ANGPT1: variants seen among roughly 807,000 people sequenced by gnomAD.
The protein encoded by ANGPT1 is angiopoietin-1.
Under a neutral mutation model 62.2 loss-of-function variants are expected in ANGPT1, and 17 were observed. The ratio of observed to expected loss-of-function variants is 0.27; its 90% CI spans 0.19 to 0.41. ANGPT1 has a LOEUF of 0.41. ANGPT1 is among the 10% of genes least tolerant of loss of function. ANGPT1 has a pLI of 1.00. For synonymous variants in ANGPT1, 199 were observed against 198.9 expected, an observed-to-expected ratio of 1.00 and a Z score of 0.00; for missense variants, 478 against 594.9, an observed-to-expected ratio of 0.80 and a Z score of 2.04.
intron 4 of ANGPT1, among the ~76,000 whole-genome samples, chr8:107,316,603 T>C (rs1815020465): frequency 6.6e-6 from 1 of 152,206 alleles, no homozygotes; most frequent in Non-Finnish European, 1.5e-5. Context: ...ACATTGTCAC[T>C]GGGGAGATTT....
At chr8:107,342,131 T>C (rs538900041) in intron 2 of ANGPT1, among the ~76,000 whole-genome samples, 1 of 152,318 alleles carries the variant, frequency 6.6e-6, no homozygotes, top group African/African-American at 2.4e-5. Context: ...TCAGACATCT[T>C]TGCAGTAGAC....
intron 1 of ANGPT1, among the ~76,000 whole-genome samples, chr8:107,394,376 T>C (rs1816893674): frequency 6.6e-6 from 1 of 152,208 alleles, no homozygotes; most frequent in Admixed American, 6.5e-5. Context: ...AAAAGATTAA[T>C]GAGCATTTTT....
intron 1 of ANGPT1, among the ~76,000 whole-genome samples, chr8:107,477,951 G>T (rs1450429523): frequency 4.0e-5 from 6 of 151,594 alleles, no homozygotes; most frequent in African/African-American, 1.2e-4. Flanking sequence ...ATGAATAAAT[G>T]ACCATGACAT....
chr8:107,328,322 C>T (rs1186415640), intron 3 of ANGPT1, among the ~76,000 whole-genome samples: 1 of 151,890 alleles, frequency 6.6e-6, no homozygotes, highest in Non-Finnish European at 1.5e-5. Flanking sequence ...AATAAATTTC[C>T]TCTCAAAGTC....
intron 1 of ANGPT1, among the ~76,000 whole-genome samples, chr8:107,430,375 A>G (rs529663228): frequency 6.6e-6 from 1 of 152,266 alleles, no homozygotes; most frequent in Admixed American, 6.5e-5. Context: ...ACCTTGTCAC[A>G]TTTTACTATC....
chr8:107,426,537 C>T (rs192805655), intron 1 of ANGPT1, among the ~76,000 whole-genome samples: 8 of 152,276 alleles, frequency 5.3e-5, no homozygotes, highest in Middle Eastern at 3.4e-3. Flanking sequence ...TCCATATAAT[C>T]CTAGAATATG....
At chr8:107,445,132 C>G (rs1468789303) in intron 1 of ANGPT1, among the ~76,000 whole-genome samples, 1 of 152,172 alleles carries the variant, frequency 6.6e-6, no homozygotes, top group Non-Finnish European at 1.5e-5. Flanking sequence ...TAGAGAATCA[C>G]ATCACATCTC....
At chr8:107,303,618 C>A (rs1814647486) in intron 4 of ANGPT1, among the ~76,000 whole-genome samples, 1 of 150,846 alleles carries the variant, frequency 6.6e-6, no homozygotes, top group African/African-American at 2.4e-5. Context: ...TTTCTTAATT[C>A]TTTTTTTTCT....
intron 4 of ANGPT1, among the ~76,000 whole-genome samples, chr8:107,319,584 A>C (rs1315433089): frequency 6.6e-6 from 1 of 151,746 alleles, no homozygotes; most frequent in Non-Finnish European, 1.5e-5. Flanking sequence ...ATGATATATA[A>C]ATTTTGGTCA....
chr8:107,458,185 C>T (rs1207268851), intron 1 of ANGPT1, among the ~76,000 whole-genome samples: 1 of 152,026 alleles, frequency 6.6e-6, no homozygotes, highest in Non-Finnish European at 1.5e-5. Context: ...GCTAACTGGC[C>T]TTCTGGACTT....
intron 1 of ANGPT1, among the ~76,000 whole-genome samples, chr8:107,392,075 C>T (rs1586283995): frequency 6.6e-6 from 1 of 152,136 alleles, no homozygotes; most frequent in Non-Finnish European, 1.5e-5. Context: ...CATTCTGAAA[C>T]CTTTGAGCTA....
intron 4 of ANGPT1, among the ~76,000 whole-genome samples, chr8:107,314,871 T>C (rs564508662): frequency 5.9e-5 from 9 of 152,342 alleles, no homozygotes; most frequent in African/African-American, 1.9e-4. Context: ...AAAGTTTTAA[T>C]TTCCTCCCAT....
rs963708566 is a variant in ANGPT1 at position 107,375,433 on chromosome 8, T to C, written c.298-28336A>G. 5.3e-5 allele frequency among the ~76,000 whole-genome samples: 8 copies of C among 152,140 alleles called. 1 individual carries two copies. Among genetic ancestry groups the C allele is most frequent in the Admixed American group, 5.2e-4 (8 of 15,272 alleles). Reference sequence around the variant, plus strand: ...AAGCTAAATTCTACATTATTATTAATTGGGATTTTGTACCAAATTTCAATA... The same window carrying C: ...AAGCTAAATTCTACATTATTATTAACTGGGATTTTGTACCAAATTTCAATA... On this transcript the variant is annotated intron_variant, in intron 1 of 8. Transcript: ENST00000517746.
At chr8:107,254,946 G>A (rs771359399) in intron 8 of ANGPT1, among the ~76,000 whole-genome samples, 3 of 151,522 alleles carry the variant, frequency 2.0e-5, no homozygotes, top group Admixed American at 1.3e-4. Flanking sequence ...CATTCTCTAC[G>A]ATCTTCCAAA....
At chr8:107,431,745 T>G (rs2130406262) in intron 1 of ANGPT1, among the ~76,000 whole-genome samples, 1 of 152,152 alleles carries the variant, frequency 6.6e-6, no homozygotes, top group African/African-American at 2.4e-5. Context: ...TTTTTTTTTT[T>G]TATCATCAAA....
intron 4 of ANGPT1, among the ~76,000 whole-genome samples, chr8:107,306,447 G>C (rs1202640929): frequency 6.6e-6 from 1 of 151,994 alleles, no homozygotes; most frequent in Non-Finnish European, 1.5e-5. Flanking sequence ...TATTTCAGAT[G>C]AAATTATAAA....
chr8:107,391,305 C>T (rs978602392), intron 1 of ANGPT1, among the ~76,000 whole-genome samples: 1 of 152,180 alleles, frequency 6.6e-6, no homozygotes, highest in African/African-American at 2.4e-5. Context: ...ACCTGGAATC[C>T]TGGCTTAGTC....
rs142774914 is a variant in ANGPT1, at chr8:107,489,515, T to C, written c.297+7747A>G. On this transcript the variant is annotated intron_variant, in intron 1 of 8. Transcript: ENST00000517746. The stretch of plus-strand genomic sequence containing the variant: ...ATGAAATTATTAGCTACTTTCTCTG[T>C]TCAAAATCACCTTTTCATTTGCTTG... Among the ~76,000 whole-genome samples the C allele has an allele frequency of 3.1e-3, 477 of 152,328 alleles. 5 individuals carry two copies. Among genetic ancestry groups the C allele is most frequent in the Non-Finnish European group, 5.9e-3 (403 of 68,022 alleles).
chr8:107,467,805 A>C (rs1023947932), intron 1 of ANGPT1, among the ~76,000 whole-genome samples: 6 of 152,150 alleles, frequency 3.9e-5, no homozygotes, highest in Non-Finnish European at 8.8e-5. Flanking sequence ...AAAGTGCTAC[A>C]ACAACAATAA....
Sources: allele counts gnomAD v4.1 joint callset (sites outside exome capture counted in the v4.1 genomes callset), GRCh38; gene constraint gnomAD v4.1.1; transcripts MANE v1.5; gene names NCBI Gene and HGNC (gene_info 2026-07-23, HGNC 2026-07-21).